The following NRG1 variants were observed in gnomAD, a reference collection of about 807,000 sequenced individuals.
The protein encoded by NRG1 is neuregulin 1, also known as pro-neuregulin-1, membrane-bound isoform.
NRG1 carries 18 observed loss-of-function variants against 63.8 expected under a neutral mutation model. The observed-to-expected ratio is 0.28, with a 90% CI of 0.19 to 0.42. The LOEUF (loss-of-function observed/expected upper bound fraction) is 0.42, where lower values mean the gene tolerates loss of function less well. Among genes scored for constraint, NRG1 ranks in the 10% least tolerant of loss-of-function variants. The pLI, the probability that NRG1 is intolerant of heterozygous loss-of-function variation, is 1.00. For missense variants in NRG1, 762 were observed against 814.7 expected (o/e 0.94, Z 0.79); for synonymous variants, 302 against 301.3 (o/e 1.00, Z -0.02).
intron 1 of NRG1, among the ~76,000 whole-genome samples, chr8:31,830,381 CCTTCCCTCCTT>C (rs1392972956): frequency 2.7e-5 from 4 of 150,556 alleles, no homozygotes; most frequent in African/African-American, 9.8e-5. Flanking sequence ...CTCCTTCCCT[CCTTCCCTCCTT>C]CTTTCCTTCT....
intron 5 of NRG1, among the ~76,000 whole-genome samples, chr8:32,705,855 A>G (rs1816270458): frequency 6.6e-6 from 1 of 152,232 alleles, no homozygotes; most frequent in Non-Finnish European, 1.5e-5. Context: ...GTCCCATTGA[A>G]AAACATTTCC....
chr8:32,412,940 C>T (rs1815319829), intron 1 of NRG1, among the ~76,000 whole-genome samples: 1 of 152,058 alleles, frequency 6.6e-6, no homozygotes, highest in African/African-American at 2.4e-5. Context: ...TGATTATCAA[C>T]CTAACTTTAA....
chr8:31,663,281 G>A (rs1806189703), intron 1 of NRG1, among the ~76,000 whole-genome samples: 1 of 152,182 alleles, frequency 6.6e-6, no homozygotes, highest in South Asian at 2.1e-4. Context: ...TTCTGGATTT[G>A]GAAGTAGTTA....
intron 5 of NRG1, among the ~76,000 whole-genome samples, chr8:32,650,837 G>A (rs1475291632): frequency 6.6e-6 from 1 of 151,986 alleles, no homozygotes; most frequent in African/African-American, 2.4e-5. Flanking sequence ...ATGCTCTTCA[G>A]TGGTTTTAGG....
intron 7 of NRG1, among the ~76,000 whole-genome samples, chr8:32,746,304 T>C (rs566226367): frequency 3.4e-4 from 52 of 152,188 alleles, no homozygotes; most frequent in Non-Finnish European, 6.2e-4. Context: ...CTGTTTAGAA[T>C]TGGCATTGAC....
intron 5 of NRG1, among the ~76,000 whole-genome samples, chr8:32,620,404 G>T (rs1166377376): frequency 4.0e-5 from 6 of 151,854 alleles, no homozygotes; most frequent in African/African-American, 1.5e-4. Flanking sequence ...GCGATTTGGG[G>T]GTCAGTGTAA....
intron 1 of NRG1, among the ~76,000 whole-genome samples, chr8:31,991,370 T>C (rs1811048538): frequency 6.7e-6 from 1 of 148,968 alleles, no homozygotes; most frequent in Non-Finnish European, 1.5e-5. Flanking sequence ...TCTTTCCTCC[T>C]CCTCCTCCTC....
At chr8:32,194,144 A>G (rs1435725813) in intron 1 of NRG1, among the ~76,000 whole-genome samples, 2 of 152,206 alleles carry the variant, frequency 1.3e-5, no homozygotes, top group South Asian at 2.1e-4. Flanking sequence ...TCCCTAAAAT[A>G]GAATCCAAAG....
At chr8:32,020,705 T>C (rs1011067744) in intron 1 of NRG1, among the ~76,000 whole-genome samples, 2 of 152,200 alleles carry the variant, frequency 1.3e-5, no homozygotes, top group Non-Finnish European at 2.9e-5. Context: ...AAAGGATAAT[T>C]TATAACAAAT....
At chr8:32,037,482 C>T (rs534934813) in intron 1 of NRG1, among the ~76,000 whole-genome samples, 5 of 152,278 alleles carry the variant, frequency 3.3e-5, no homozygotes, top group East Asian at 3.9e-4. Flanking sequence ...CAGGAGAATC[C>T]GCCTCATCAG....
chr8:32,401,880 CTAAAA>C (rs1182169989), intron 1 of NRG1, among the ~76,000 whole-genome samples: 1 of 152,076 alleles, frequency 6.6e-6, no homozygotes, highest in African/African-American at 2.4e-5. Flanking sequence ...ACCCCTGAAC[CTAAAA>C]TAAAAGTTGT....
rs3084577 is a variant in NRG1 at position 32,127,528 on chromosome 8, CGT to C, written c.38-468271_38-468270del. Reference sequence around the variant, plus strand: ...TGGGTGGAATGTGTGTGTATCTGCACGTGTGTGTGTGTGTGTGTGTGTGTGTG... The same window carrying C: ...TGGGTGGAATGTGTGTGTATCTGCACGTGTGTGTGTGTGTGTGTGTGTGTG... On this transcript the variant is annotated intron_variant, in intron 1 of 10. Transcript: ENST00000519301. Among the ~76,000 whole-genome samples, 637 of 146,266 alleles carry C rather than the reference CGT, an allele frequency of 4.4e-3. 4 individuals carry two copies. The highest frequency in any genetic ancestry group is 7.6e-3 in the African/African-American group (301 of 39,684).
chr8:32,245,977 A>G (rs1563226573), intron 1 of NRG1, among the ~76,000 whole-genome samples: 1 of 152,132 alleles, frequency 6.6e-6, no homozygotes, highest in Non-Finnish European at 1.5e-5. Context: ...TGGGCACCTC[A>G]TTAGCCAGGA....
chr8:32,156,826 C>T (rs547651106), intron 1 of NRG1, among the ~76,000 whole-genome samples: 2 of 152,222 alleles, frequency 1.3e-5, no homozygotes, highest in South Asian at 4.1e-4. Flanking sequence ...TTCTCCGCTA[C>T]TCTGGAGGCT....
chr8:31,841,846 A>T (rs563285277), intron 1 of NRG1, among the ~76,000 whole-genome samples: 1 of 152,304 alleles, frequency 6.6e-6, no homozygotes, highest in Non-Finnish European at 1.5e-5. Context: ...AGAGTCATAC[A>T]CCCAGATAAC....
intron 5 of NRG1, among the ~76,000 whole-genome samples, chr8:32,632,016 ATAAGT>A (rs1161479403): frequency 6.6e-6 from 1 of 152,226 alleles, no homozygotes; most frequent in Admixed American, 6.5e-5. Context: ...TGCTGTGTTA[ATAAGT>A]TAATAGCAAA....
intron 2 of NRG1, among the ~76,000 whole-genome samples, chr8:32,604,860 A>G (rs575309984): frequency 1.5e-5 from 2 of 136,332 alleles, no homozygotes; most frequent in South Asian, 4.7e-4. Context: ...ACAGCAAATC[A>G]CAATGCTGCC....
At chr8:32,114,779 A>T (rs1386766659) in intron 1 of NRG1, among the ~76,000 whole-genome samples, 1 of 152,198 alleles carries the variant, frequency 6.6e-6, no homozygotes, top group Non-Finnish European at 1.5e-5. Context: ...GGAGCTGAAG[A>T]TAGCCCTTGC....
intron 1 of NRG1, among the ~76,000 whole-genome samples, chr8:32,299,088 C>G (rs1455205139): frequency 6.7e-6 from 1 of 150,242 alleles, no homozygotes; most frequent in East Asian, 2.0e-4. Context: ...TTCTTACCTA[C>G]CAGAGTTACG....
Sources: gnomAD v4.1 joint callset for allele counts (sites outside exome capture counted in the v4.1 genomes callset) on GRCh38, gnomAD v4.1.1 for gene constraint, MANE v1.5 for transcripts, NCBI Gene and HGNC (gene_info 2026-07-23, HGNC 2026-07-21) for gene names.